Variants in CDON observed in about 807,000 individuals in gnomAD.
CDON encodes cell adhesion molecule-related/down-regulated by oncogenes.
In CDON, 73 loss-of-function variants were observed where a neutral mutation model predicts 120.9. The observed-to-expected ratio is 0.60, with a 90% CI of 0.50 to 0.73. CDON has a LOEUF of 0.73. CDON is among the 30% of genes least tolerant of loss of function. The pLI, the probability that CDON is intolerant of heterozygous loss-of-function variation, is 0.00. For synonymous variants in CDON, 566 were observed against 573.5 expected (o/e 0.99, Z 0.19); for missense variants, 1,470 against 1,587.3 (o/e 0.93, Z 1.26).
intron 7 of CDON, among the ~76,000 whole-genome samples, chr11:126,013,545 T>A (rs2134647532): frequency 6.6e-6 from 1 of 152,266 alleles, no homozygotes; most frequent in African/African-American, 2.4e-5. Flanking sequence ...CATTTTTTCC[T>A]CAGAATTTGT....
At chr11:126,017,042 C>T in intron 6 of CDON, 46 bp downstream of exon 6, 2 of 1,529,322 alleles carry the variant, frequency 1.3e-6, no homozygotes, top group Non-Finnish European at 1.8e-6. Flanking sequence ...TCAGTTAGAC[C>T]AGAAAAATGG....
chr11:126,023,378 C>T (rs1947692166), intron 2 of CDON, 23 bp downstream of exon 2: 5 of 1,500,110 alleles, frequency 3.3e-6, no homozygotes, highest in Non-Finnish European at 4.6e-6. Flanking sequence ...GCCAAACCAC[C>T]CCCTCCCCAA....
chr11:125,996,679 G>A (rs1289137120), intron 12 of CDON, among the ~76,000 whole-genome samples: 3 of 113,272 alleles, frequency 2.6e-5, no homozygotes, highest in South Asian at 3.0e-4. Context: ...CGGCCTAGGC[G>A]ACAGAGGGAG....
chr11:125,972,653 T>C (rs890815016), intron 18 of CDON, among the ~76,000 whole-genome samples: 4 of 152,062 alleles, frequency 2.6e-5, no homozygotes, highest in Non-Finnish European at 2.9e-5. Context: ...ATTACTAAAA[T>C]AGATGGGTGA....
chr11:126,010,351 A>C lies in CDON; in HGVS notation c.1542T>G (p.Ser514=). The change falls in exon 8 of 20, where the codon TCT becomes TCG. Residue 514 remains serine (S), a synonymous_variant. Coordinates refer to ENST00000531738, the MANE Select transcript of CDON (RefSeq NM_001378964.1). ...NEHGTTQAEA[S]LMVVPFETNT... Reference sequence around the variant, plus strand: ...ATAATGGCAACTCACCAACCATGAGAGATGCTTCTGCCTGTGTGGTACCAT... The same window carrying C: ...ATAATGGCAACTCACCAACCATGAGCGATGCTTCTGCCTGTGTGGTACCAT... 6.2e-7 allele frequency: 1 copy of C among 1,606,948 alleles called. No homozygotes were observed. Among genetic ancestry groups the C allele is most frequent in the South Asian group, 1.1e-5 (1 of 90,356 alleles).
chr11:125,980,119 C>A (rs1946254834), intron 17 of CDON, among the ~76,000 whole-genome samples: 1 of 152,020 alleles, frequency 6.6e-6, no homozygotes, highest in Non-Finnish European at 1.5e-5. Flanking sequence ...TGCTTAATTC[C>A]ATCAATTAAA....
At chr11:126,011,687 TTAACAG>T (rs1947308055) in intron 7 of CDON, among the ~76,000 whole-genome samples, 1 of 152,230 alleles carries the variant, frequency 6.6e-6, no homozygotes, top group African/African-American at 2.4e-5. Context: ...TTTTCAGCTT[TTAACAG>T]TATCTATTAG....
At chr11:126,040,306 C>T (rs74688181) in intron 1 of CDON, among the ~76,000 whole-genome samples, 17 of 152,246 alleles carry the variant, frequency 1.1e-4, no homozygotes, top group African/African-American at 3.9e-4. Context: ...CCATAAGAAA[C>T]GGGACCTTGT....
chr11:126,005,465 G>A, intron 9 of CDON: 1 of 403,082 alleles, frequency 2.5e-6, no homozygotes, highest in Admixed American at 4.0e-5. Flanking sequence ...GAAGGAATTT[G>A]TGTTTTAAAA....
intron 18 of CDON, among the ~76,000 whole-genome samples, chr11:125,972,516 A>T (rs1292364711): frequency 5.3e-5 from 8 of 152,186 alleles, no homozygotes; most frequent in African/African-American, 1.9e-4. Flanking sequence ...GCATGTCACA[A>T]GAGCCCCAGA....
chr11:126,033,411 C>G (rs1948002575), intron 1 of CDON, among the ~76,000 whole-genome samples: 1 of 152,144 alleles, frequency 6.6e-6, no homozygotes, highest in Admixed American at 6.5e-5. Flanking sequence ...ACACACGGAA[C>G]TATGGCTCAG....
At chr11:125,992,121 T>C (rs140156837) in intron 14 of CDON, among the ~76,000 whole-genome samples, 59 of 152,264 alleles carry the variant, frequency 3.9e-4, no homozygotes, top group African/African-American at 1.3e-3. Flanking sequence ...AACCATTTTA[T>C]GGCAAATATT....
Position 126,017,378 on chromosome 11 carries a change from G to A in CDON, c.641-3C>T. On this transcript the variant is annotated splice_region_variant and splice_polypyrimidine_tract_variant and intron_variant, in intron 5 of 19. Coordinates refer to ENST00000531738, the MANE Select transcript of CDON (RefSeq NM_001378964.1). Reference sequence around the variant, plus strand: ...GTGAACATCATCTGAAGAAGGACCTGGAAAAGGAAAGGAGATGAGAGATTA... The same window carrying A: ...GTGAACATCATCTGAAGAAGGACCTAGAAAAGGAAAGGAGATGAGAGATTA... 3 of 1,613,810 alleles carry A rather than the reference G, an allele frequency of 1.9e-6. No individual in the cohort carries two copies. In the East Asian group the frequency reaches 6.7e-5, roughly 36 times the overall value.
In CDON at chr11:125,971,458, C is replaced by T. The variant is rs189967010; in HGVS notation, c.3356+6846G>A. 7.9e-5 allele frequency among the ~76,000 whole-genome samples: 12 copies of T among 152,062 alleles called. No individual in the cohort carries two copies. The East Asian group carries it at 1.7e-3, about 22-fold the overall frequency. ...ATTCATCTCTACATGTTGTTGTCAT[C>T]GGAGGACATCTGACATCCACGGAGG... is the stretch of plus-strand genomic sequence containing the variant. On this transcript the variant is annotated intron_variant, in intron 18 of 19. Transcript: ENST00000531738.
chr11:125,980,487 A>G (rs1274944928), intron 17 of CDON, among the ~76,000 whole-genome samples: 1 of 152,244 alleles, frequency 6.6e-6, no homozygotes, highest in Admixed American at 6.5e-5. Context: ...AATTTGAATT[A>G]GGTGCCAGCA....
intron 14 of CDON, among the ~76,000 whole-genome samples, chr11:125,990,986 G>C (rs771923737): frequency 1.3e-5 from 2 of 151,998 alleles, no homozygotes; most frequent in Non-Finnish European, 2.9e-5. Context: ...AAATCCAAAG[G>C]CTTTCCAAAA....
In CDON at chr11:126,062,733, G is replaced by A. The variant is rs984637743; in HGVS notation, c.-216C>T. The A allele has an allele frequency of 2.0e-5, 3 of 151,888 alleles. No homozygotes were observed. In the East Asian group the frequency reaches 5.9e-4, roughly 30 times the overall value. The allele number at this position is 151,888 out of a possible 1,614,324, so 9.4% of individuals were successfully genotyped here. A position where few individuals can be genotyped will look rare whatever the true frequency, so the allele number is the denominator to read the frequency against. On this transcript the variant is annotated 5_prime_UTR_variant, in exon 1 of 20. Coordinates refer to ENST00000531738, the MANE Select transcript of CDON (RefSeq NM_001378964.1). Reference sequence around the variant, plus strand: ...CCTCCATGCACCGCGCAGGGCAGAGGAGGGAGCGGCGCCTCGCACGCCGGG... The same window carrying A: ...CCTCCATGCACCGCGCAGGGCAGAGAAGGGAGCGGCGCCTCGCACGCCGGG...
chr11:125,971,204 A>T (rs1433945666), intron 18 of CDON, among the ~76,000 whole-genome samples: 1 of 152,114 alleles, frequency 6.6e-6, no homozygotes, highest in Non-Finnish European at 1.5e-5. Context: ...TAACACAGTG[A>T]AACCCCATCT....
chr11:126,030,914 C>A (rs1476708654), intron 1 of CDON, among the ~76,000 whole-genome samples: 2 of 152,150 alleles, frequency 1.3e-5, no homozygotes, highest in Non-Finnish European at 2.9e-5. Context: ...TCAAATAACT[C>A]TGCTTTTCAA....
Sources: allele counts gnomAD v4.1 joint callset (sites outside exome capture counted in the v4.1 genomes callset), GRCh38; gene constraint gnomAD v4.1.1; transcripts MANE v1.5; gene names NCBI Gene and HGNC (gene_info 2026-07-23, HGNC 2026-07-21).